The following PLEKHA5 variants were observed in gnomAD, a reference collection of about 807,000 sequenced individuals.
The protein encoded by PLEKHA5 is pleckstrin homology domain containing A5.
Under a neutral mutation model 181.9 loss-of-function variants are expected in PLEKHA5, and 55 were observed. The ratio of observed to expected loss-of-function variants is 0.30; its 90% CI spans 0.24 to 0.38. The LOEUF is 0.38. Among genes scored for constraint, PLEKHA5 ranks in the 10% least tolerant of loss-of-function variants. The pLI, the probability that PLEKHA5 is intolerant of heterozygous loss-of-function variation, is 1.00. For synonymous variants in PLEKHA5, 535 were observed against 529.4 expected (o/e 1.01, Z -0.15); for missense variants, 1,432 against 1,549.5 (o/e 0.92, Z 1.27).
At chr12:19,170,106 A>C (rs1270929712) in intron 3 of PLEKHA5, among the ~76,000 whole-genome samples, 1 of 152,240 alleles carries the variant, frequency 6.6e-6, no homozygotes, top group Non-Finnish European at 1.5e-5. Flanking sequence ...AGCAGCCTAC[A>C]TATAAACCAG....
intron 3 of PLEKHA5, among the ~76,000 whole-genome samples, chr12:19,159,805 G>C (rs1467641332): frequency 6.6e-6 from 1 of 152,054 alleles, no homozygotes; most frequent in Non-Finnish European, 1.5e-5. Context: ...ATACTCAAAA[G>C]TATTTGAAGC....
intron 28 of PLEKHA5, among the ~76,000 whole-genome samples, chr12:19,360,089 T>G (rs373517110): frequency 1.3e-5 from 2 of 152,218 alleles, no homozygotes; most frequent in South Asian, 2.1e-4. Context: ...CCCAGCACTT[T>G]GAGAAGCTGA....
At chr12:19,191,396 G>A (rs748541557) in intron 3 of PLEKHA5, among the ~76,000 whole-genome samples, 39 of 152,176 alleles carry the variant, frequency 2.6e-4, no homozygotes, top group Admixed American at 1.0e-3. Flanking sequence ...AATGCTTTGA[G>A]TTAATGTTGA....
chr12:19,140,538 C>G (rs891211670), intron 3 of PLEKHA5, among the ~76,000 whole-genome samples: 2 of 152,200 alleles, frequency 1.3e-5, no homozygotes, highest in African/African-American at 4.8e-5. Context: ...CCAAGAGAAT[C>G]TTTTGGACTA....
intron 3 of PLEKHA5, among the ~76,000 whole-genome samples, chr12:19,215,010 T>G (rs1226629541): frequency 6.6e-6 from 1 of 152,110 alleles, no homozygotes; most frequent in African/African-American, 2.4e-5. Context: ...AAACCCCGTT[T>G]CTACTAAAAA....
At chr12:19,302,585 T>TG (rs1467647814) in intron 15 of PLEKHA5, among the ~76,000 whole-genome samples, 1 of 151,808 alleles carries the variant, frequency 6.6e-6, no homozygotes, top group Non-Finnish European at 1.5e-5. Context: ...TTATTAGAGA[T>TG]GGGGTTTCAC....
intron 8 of PLEKHA5, among the ~76,000 whole-genome samples, chr12:19,266,667 C>T (rs1035770491): frequency 6.6e-6 from 1 of 151,740 alleles, no homozygotes; most frequent in African/African-American, 2.4e-5. Flanking sequence ...GCCTGTAGTC[C>T]CAGCTACAGA....
At chr12:19,364,669 G>GTT (rs71064097) in intron 29 of PLEKHA5, among the ~76,000 whole-genome samples, 20 of 147,232 alleles carry the variant, frequency 1.4e-4, no homozygotes, top group Non-Finnish European at 2.7e-4. Context: ...ACTAATGTTT[G>GTT]TTTTTTTTTT....
At chr12:19,213,052 A>G (rs1457504731) in intron 3 of PLEKHA5, among the ~76,000 whole-genome samples, 2 of 152,144 alleles carry the variant, frequency 1.3e-5, no homozygotes. Flanking sequence ...TTTATGTCAG[A>G]TAGTGAAACA....
intron 3 of PLEKHA5, chr12:19,200,597 T>G (rs2053974072): frequency 3.4e-6 from 4 of 1,185,662 alleles, no homozygotes; most frequent in Non-Finnish European, 4.2e-6. Flanking sequence ...AAGTAGAAAC[T>G]ATCAGGCCTG....
chr12:19,356,304 C>T (rs1182567831), intron 26 of PLEKHA5, among the ~76,000 whole-genome samples: 1 of 152,030 alleles, frequency 6.6e-6, no homozygotes, highest in Non-Finnish European at 1.5e-5. Flanking sequence ...TGCTTGAGCT[C>T]AGGAATTCAA....
intron 26 of PLEKHA5, among the ~76,000 whole-genome samples, chr12:19,356,662 C>CTTT (rs57809332): frequency 0.014 from 1,395 of 99,694 alleles, 12 homozygotes; most frequent in Non-Finnish European, 0.017. Flanking sequence ...AGTTGTTTTT[C>CTTT]TTTTTTTTTT....
At chr12:19,187,322 G>A (rs1767078550) in intron 3 of PLEKHA5, among the ~76,000 whole-genome samples, 1 of 152,194 alleles carries the variant, frequency 6.6e-6, no homozygotes, top group Non-Finnish European at 1.5e-5. Flanking sequence ...TTAGTCAACA[G>A]TAAGTATTTA....
chr12:19,238,273 TTG>T (rs1366242755), intron 3 of PLEKHA5, among the ~76,000 whole-genome samples: 3 of 152,094 alleles, frequency 2.0e-5, no homozygotes, highest in African/African-American at 7.2e-5. Flanking sequence ...TACATATTTT[TTG>T]TGAATAATAT....
intron 3 of PLEKHA5, among the ~76,000 whole-genome samples, chr12:19,180,048 T>C (rs2048197741): frequency 6.6e-6 from 1 of 152,170 alleles, no homozygotes. Context: ...AACAAAAGTC[T>C]TTCAGGCTGC....
chr12:19,272,736 C>G (rs931965857), intron 10 of PLEKHA5, among the ~76,000 whole-genome samples: 4 of 152,054 alleles, frequency 2.6e-5, no homozygotes, highest in African/African-American at 9.7e-5. Context: ...GAGACCTTAT[C>G]TCAAATAATA....
intron 3 of PLEKHA5, among the ~76,000 whole-genome samples, chr12:19,171,494 A>C (rs1453449811): frequency 1.3e-5 from 2 of 152,008 alleles, no homozygotes; most frequent in African/African-American, 2.4e-5. Context: ...TTTGAGATGG[A>C]GTTTTGCTTT....
chr12:19,240,670 C>G (rs984933882), intron 3 of PLEKHA5, among the ~76,000 whole-genome samples: 1 of 151,088 alleles, frequency 6.6e-6, no homozygotes, highest in African/African-American at 2.4e-5. Context: ...CAGGGCCTTT[C>G]TTTATTGCCC....
chr12:19,367,753 GT>G (rs1387188432), intron 30 of PLEKHA5, among the ~76,000 whole-genome samples: 3 of 148,152 alleles, frequency 2.0e-5, no homozygotes, highest in African/African-American at 7.5e-5. Context: ...CTAATTTTTT[GT>G]ATTTTTTTTT....
Sources: gnomAD v4.1 joint callset for allele counts (sites outside exome capture counted in the v4.1 genomes callset) on GRCh38, gnomAD v4.1.1 for gene constraint, MANE v1.5 for transcripts, NCBI Gene and HGNC (gene_info 2026-07-23, HGNC 2026-07-21) for gene names.